The following KCNJ12 variants were observed in gnomAD, a reference collection of about 807,000 sequenced individuals.
The protein encoded by KCNJ12 is ATP-sensitive inward rectifier potassium channel 12.
KCNJ12 carries 2 observed loss-of-function variants against 22.3 expected under a neutral mutation model. The observed-to-expected ratio is 0.09, with a 90% CI of 0.04 to 0.28. The LOEUF (loss-of-function observed/expected upper bound fraction) is 0.28, where lower values mean the gene tolerates loss of function less well. Among genes scored for constraint, KCNJ12 ranks in the 10% least tolerant of loss-of-function variants. The probability of loss-of-function intolerance (pLI) is 1.00; values close to 1 mark genes in which losing one functional copy is unlikely to be tolerated. For missense variants in KCNJ12, 155 were observed against 633.3 expected, an observed-to-expected ratio of 0.24 and a Z score of 8.11; for synonymous variants, 117 against 261.4, an observed-to-expected ratio of 0.45 and a Z score of 5.33.
chr17:21,389,507 G>A (rs1905156513), intron 1 of KCNJ12, among the ~76,000 whole-genome samples: 1 of 152,356 alleles, frequency 6.6e-6, no homozygotes, highest in South Asian at 2.1e-4. Flanking sequence ...GCAGTTTGTG[G>A]TGGCGGCAGC....
At chr17:21,412,491 C>G (rs1283004136) in intron 2 of KCNJ12, among the ~76,000 whole-genome samples, 61 of 152,162 alleles carry the variant, frequency 4.0e-4, no homozygotes, top group African/African-American at 1.3e-3. Context: ...GGAAGTCCCT[C>G]AAGGCCCCTG....
At chr17:21,412,091 G>A (rs1225168016) in intron 2 of KCNJ12, among the ~76,000 whole-genome samples, 2 of 152,300 alleles carry the variant, frequency 1.3e-5, no homozygotes, top group African/African-American at 4.8e-5. Flanking sequence ...CTGACATTCT[G>A]GGCTCCAACT....
chr17:21,383,996 C>G (rs782803683), intron 1 of KCNJ12, among the ~76,000 whole-genome samples: 1 of 152,106 alleles, frequency 6.6e-6, no homozygotes, highest in Non-Finnish European at 1.5e-5. Context: ...TTCTCCTCCT[C>G]ACCCCCTGCC....
chr17:21,379,349 C>T (rs1904784990), intron 1 of KCNJ12, among the ~76,000 whole-genome samples: 1 of 152,216 alleles, frequency 6.6e-6, no homozygotes, highest in Admixed American at 6.5e-5. Flanking sequence ...CTCGCCAGGT[C>T]CCCAGGCAGA....
chr17:21,415,117 C>A, intron 2 of KCNJ12, among the ~76,000 whole-genome samples, 170 bp from the exon 3 acceptor site: 1 of 152,292 alleles, frequency 6.6e-6, no homozygotes, highest in Non-Finnish European at 1.5e-5. Flanking sequence ...AAGGGGGTGG[C>A]CATTCGCACT....
chr17:21,383,806 T>G (rs1401472114), intron 1 of KCNJ12, among the ~76,000 whole-genome samples: 1 of 152,146 alleles, frequency 6.6e-6, no homozygotes, highest in African/African-American at 2.4e-5. Flanking sequence ...GGATGTGGCC[T>G]GCACAAGACC....
At chr17:21,384,777 T>G (rs1905018691) in intron 1 of KCNJ12, among the ~76,000 whole-genome samples, 1 of 149,428 alleles carries the variant, frequency 6.7e-6, no homozygotes, top group Non-Finnish European at 1.5e-5. Context: ...TTTGTTTTTT[T>G]TTTTTTTTGT....
intron 1 of KCNJ12, among the ~76,000 whole-genome samples, chr17:21,404,105 A>G (rs1905792693): frequency 6.6e-6 from 1 of 152,198 alleles, no homozygotes. Flanking sequence ...CCTTCCCCAC[A>G]AACCCCGAAT....
chr17:21,391,491 T>G (rs1454952115), intron 1 of KCNJ12, among the ~76,000 whole-genome samples: 1 of 152,210 alleles, frequency 6.6e-6, no homozygotes, highest in Non-Finnish European at 1.5e-5. Context: ...CCATCCCCTG[T>G]GATGCTTTGG....
intron 1 of KCNJ12, among the ~76,000 whole-genome samples, chr17:21,396,725 A>G (rs1216914172): frequency 6.6e-6 from 1 of 152,152 alleles, no homozygotes; most frequent in Non-Finnish European, 1.5e-5. Context: ...TGTCCTAACC[A>G]CTGGACCCCT....
At chr17:21,402,037 C>T (rs1284304385) in intron 1 of KCNJ12, among the ~76,000 whole-genome samples, 1 of 152,264 alleles carries the variant, frequency 6.6e-6, no homozygotes, top group African/African-American at 2.4e-5. Flanking sequence ...CTCCCATCTG[C>T]CCAGCGTGCT....
At chr17:21,392,229 A>G (rs1357324199) in intron 1 of KCNJ12, among the ~76,000 whole-genome samples, 1 of 152,210 alleles carries the variant, frequency 6.6e-6, no homozygotes, top group Non-Finnish European at 1.5e-5. Context: ...GGACCACTGG[A>G]CCACTGGACC....
chr17:21,415,615 C>T lies in KCNJ12; in HGVS notation c.273C>T (p.Phe91=), dbSNP rs782322744. 11 of 1,614,028 alleles carry T rather than the reference C, an allele frequency of 6.8e-6. No individual in the cohort carries two copies. The highest frequency in any genetic ancestry group is 1.7e-6 in the Non-Finnish European group (2 of 1,180,014). ...RYMLLIFSLA[F]LASWLLFGII... ...TGCTGCTCATCTTCTCGCTGGCCTTCCTTGCCTCCTGGCTGCTGTTCGGCA... is the reference window on the plus strand; with the variant it reads ...TGCTGCTCATCTTCTCGCTGGCCTTTCTTGCCTCCTGGCTGCTGTTCGGCA... Residue 91 remains phenylalanine, a synonymous_variant, in exon 3 of 3, where the codon TTC becomes TTT. Coordinates refer to ENST00000583088, the MANE Select transcript of KCNJ12 (RefSeq NM_021012.5).
intron 1 of KCNJ12, among the ~76,000 whole-genome samples, chr17:21,393,275 T>A (rs1905254288): frequency 6.6e-6 from 1 of 152,174 alleles, no homozygotes; most frequent in Non-Finnish European, 1.5e-5. Context: ...CCCATGGTGC[T>A]TTTTTGAGCC....
At chr17:21,388,297 G>A (rs377397840) in intron 1 of KCNJ12, among the ~76,000 whole-genome samples, 1 of 152,242 alleles carries the variant, frequency 6.6e-6, no homozygotes, top group South Asian at 2.1e-4. Flanking sequence ...ACGCCTGAGC[G>A]GGGCGTTGGG....
chr17:21,397,335 G>T (rs558502639), intron 1 of KCNJ12, among the ~76,000 whole-genome samples: 1 of 152,362 alleles, frequency 6.6e-6, no homozygotes, highest in Non-Finnish European at 1.5e-5. Context: ...CCACCCCAAA[G>T]AACGCAGGAG....
intron 1 of KCNJ12, among the ~76,000 whole-genome samples, chr17:21,387,071 G>A (rs1555558738): frequency 6.6e-6 from 1 of 152,136 alleles, no homozygotes; most frequent in Non-Finnish European, 1.5e-5. Context: ...CAGGAGAATG[G>A]CGTGAACCCG....
intron 1 of KCNJ12, among the ~76,000 whole-genome samples, chr17:21,405,600 C>T (rs1280124241): frequency 2.6e-5 from 4 of 152,282 alleles, no homozygotes; most frequent in African/African-American, 9.6e-5. Flanking sequence ...ATTTCAGCCC[C>T]AGCCTCAGCC....
At chr17:21,402,295 G>T (rs1905660739) in intron 1 of KCNJ12, among the ~76,000 whole-genome samples, 1 of 152,298 alleles carries the variant, frequency 6.6e-6, no homozygotes, top group African/African-American at 2.4e-5. Context: ...CTGACCTCTG[G>T]AATAGTCTCC....
Sources: gnomAD v4.1 joint callset for allele counts (sites outside exome capture counted in the v4.1 genomes callset) on GRCh38, gnomAD v4.1.1 for gene constraint, MANE v1.5 for transcripts, NCBI Gene and HGNC (gene_info 2026-07-23, HGNC 2026-07-21) for gene names.